Variants in NRBF2 observed in about 807,000 individuals in gnomAD.
NRBF2 encodes the protein nuclear receptor-binding factor 2.
NRBF2 carries 12 observed loss-of-function variants against 28.5 expected under a neutral mutation model. The ratio of observed to expected loss-of-function variants is 0.42; its 90% CI spans 0.27 to 0.68. The LOEUF (loss-of-function observed/expected upper bound fraction) is 0.68. NRBF2 is among the 30% of genes least tolerant of loss of function. NRBF2 has a pLI of 0.24. For synonymous variants in NRBF2, 102 were observed against 116.5 expected (o/e 0.88, Z 0.80); for missense variants, 274 against 333.5 (o/e 0.82, Z 1.39).
chr10:63,140,612 C>G (rs1281647561), intron 1 of NRBF2, among the ~76,000 whole-genome samples: 1 of 151,984 alleles, frequency 6.6e-6, no homozygotes, highest in African/African-American at 2.4e-5. Flanking sequence ...TGGGGTCTCA[C>G]TATGTTGCCT....
chr10:63,153,273 T>G (rs1253991592), intron 3 of NRBF2, among the ~76,000 whole-genome samples: 4 of 152,202 alleles, frequency 2.6e-5, no homozygotes, highest in African/African-American at 9.6e-5. Flanking sequence ...AGGAAAGATT[T>G]CTAATTTTGA....
At chr10:63,152,292 A>G in intron 3 of NRBF2, 102 bp downstream of exon 3, 4 of 807,026 alleles carry the variant, frequency 5.0e-6, no homozygotes, top group Non-Finnish European at 8.1e-6. Context: ...TCAAAATGCT[A>G]TAGTCAAAAA....
At chr10:63,136,919 A>G (rs1472031857) in intron 1 of NRBF2, among the ~76,000 whole-genome samples, 1 of 152,212 alleles carries the variant, frequency 6.6e-6, no homozygotes, top group Non-Finnish European at 1.5e-5. Context: ...GATTCTAATT[A>G]TCTGGTTATT....
Position 63,153,644 on chromosome 10 carries a change from A to G in NRBF2, c.290A>G (p.His97Arg). The G allele has an allele frequency of 7.4e-6, 12 of 1,611,970 alleles. No homozygotes were observed. The highest frequency in any genetic ancestry group is 9.3e-6 in the Non-Finnish European group (11 of 1,179,824). The change falls in exon 4 of 4, where the codon CAT (histidine) becomes CGT (arginine). Residue 97 changes from histidine (H) to arginine (R), a missense_variant. His to Arg is a conservative substitution (Grantham distance 29). Transcript: ENST00000277746. ...QQNTDKDAAA[H>R]LQTSHKPSAE... ...AACACAGACAAGGATGCAGCTGCCC[A>G]TCTTCAGACATCTCACAAACCCTCT...
intron 1 of NRBF2, among the ~76,000 whole-genome samples, chr10:63,144,945 T>C (rs1841536066): frequency 6.6e-6 from 1 of 152,184 alleles, no homozygotes; most frequent in Admixed American, 6.5e-5. Flanking sequence ...TAGAAAACTT[T>C]AGCTGATTAT....
intron 1 of NRBF2, among the ~76,000 whole-genome samples, chr10:63,144,417 C>CTTTT (rs58418737): frequency 6.5e-5 from 9 of 138,950 alleles, no homozygotes; most frequent in Non-Finnish European, 7.6e-5. Context: ...ATTATCTTCC[C>CTTTT]TTTTTTTTTT....
chr10:63,154,825 A>C lies in NRBF2; in HGVS notation c.*607A>C, dbSNP rs1194252281. The C allele has an allele frequency of 6.6e-6, 1 of 152,640 alleles. No homozygotes were observed. The highest frequency in any genetic ancestry group is 1.5e-5 in the Non-Finnish European group (1 of 68,052). The allele number at this position is 152,640 out of a possible 1,614,324, so 9.5% of individuals were successfully genotyped here. A position where few individuals can be genotyped will look rare whatever the true frequency, so the allele number is the denominator to read the frequency against. On this transcript the variant is annotated 3_prime_UTR_variant, in exon 4 of 4. Coordinates refer to ENST00000277746, the MANE Select transcript of NRBF2 (RefSeq NM_030759.5). ...TCCATTTTATGAAGAAAGGAACCAA[A>C]TTATTATGCTTTTTAAAACAAATTA...
At chr10:63,134,392 G>T (rs887799449) in intron 1 of NRBF2, among the ~76,000 whole-genome samples, 1 of 152,160 alleles carries the variant, frequency 6.6e-6, no homozygotes, top group African/African-American at 2.4e-5. Flanking sequence ...TTGAGTCACA[G>T]GTTTGCAATT....
intron 1 of NRBF2, among the ~76,000 whole-genome samples, chr10:63,134,126 C>T (rs1261455542): frequency 6.6e-6 from 1 of 152,012 alleles, no homozygotes; most frequent in South Asian, 2.1e-4. Flanking sequence ...CTGTATTTAG[C>T]TCAGATTCAT....
intron 2 of NRBF2, among the ~76,000 whole-genome samples, chr10:63,147,679 C>T (rs1841584868): frequency 6.8e-6 from 1 of 147,956 alleles, no homozygotes. Flanking sequence ...CATAGGTATA[C>T]ACGTGCCATG....
intron 1 of NRBF2, among the ~76,000 whole-genome samples, chr10:63,142,238 C>T (rs944144113): frequency 1.3e-5 from 2 of 151,820 alleles, no homozygotes; most frequent in Non-Finnish European, 2.9e-5. Flanking sequence ...GCAACTTTGG[C>T]TTTACCTGGG....
At chr10:63,138,541 G>A (rs931393186) in intron 1 of NRBF2, among the ~76,000 whole-genome samples, 1 of 150,424 alleles carries the variant, frequency 6.6e-6, no homozygotes, top group Non-Finnish European at 1.5e-5. Flanking sequence ...TCAGGAGATC[G>A]AGACCATTCT....
At chr10:63,151,784 A>G (rs1326397090) in intron 2 of NRBF2, among the ~76,000 whole-genome samples, 2 of 152,234 alleles carry the variant, frequency 1.3e-5, no homozygotes, top group Non-Finnish European at 2.9e-5. Context: ...AGACGGATAA[A>G]AAGTCATTGA....
rs747996610 is a variant in NRBF2, at chr10:63,153,523, C to T, written c.169C>T (p.Leu57=). The change falls in exon 4 of 4, where the codon CTG becomes TTG. Residue 57 remains leucine (L), a synonymous_variant. Transcript: ENST00000277746. ...TTCTATGTAATAGGCTCATCTTTCA[C>T]TGGAATTGCAAAGGGATAGCCATAT... ...LTQSEQAHLS[L]ELQRDSHMKQ... The T allele has an allele frequency of 3.1e-6, 5 of 1,603,124 alleles. No homozygotes were observed. Among genetic ancestry groups the T allele is most frequent in the Non-Finnish European group, 4.3e-6 (5 of 1,175,962 alleles).
Position 63,153,440 on chromosome 10 carries a change from A to G in NRBF2, c.157-71A>G, listed in dbSNP as rs1841679767. 6.1e-6 allele frequency: 7 copies of G among 1,146,718 alleles called. No homozygotes were observed. In the East Asian group the frequency reaches 7.2e-5, roughly 12 times the overall value. 71.0% of individuals were successfully genotyped at this position (1,146,718 alleles called of 1,614,324 possible). Reference sequence around the variant, plus strand: ...TTGGGTTATTCACAAAGGATTTTGAATAGTGTATGTTGGACATTACTAAGA... The same window carrying G: ...TTGGGTTATTCACAAAGGATTTTGAGTAGTGTATGTTGGACATTACTAAGA... On this transcript the variant is annotated intron_variant, in intron 3 of 3. Transcript: ENST00000277746.
intron 2 of NRBF2, among the ~76,000 whole-genome samples, chr10:63,147,040 T>A (rs188811575): frequency 1.3e-5 from 2 of 152,230 alleles, no homozygotes; most frequent in Admixed American, 6.5e-5. Context: ...AATAAAAAAA[T>A]TTAAAAATCT....
rs554602597 is a variant in NRBF2 at position 63,147,247 on chromosome 10, G to A, written c.115+954G>A. 2.0e-3 allele frequency among the ~76,000 whole-genome samples: 301 copies of A among 152,192 alleles called. 1 individual carries two copies. Among genetic ancestry groups the A allele is most frequent in the Non-Finnish European group, 3.6e-3 (244 of 68,010 alleles). The stretch of plus-strand genomic sequence containing the variant: ...CTTGTGAAATACAGACTGCAAGGTG[G>A]GCAGTAGATTGGATAAGTCTTCTTA... On this transcript the variant is annotated intron_variant, in intron 2 of 3. Transcript: ENST00000277746.
chr10:63,149,116 A>AT lies in NRBF2; in HGVS notation c.115+2829dup, dbSNP rs548461522. 5.5e-3 allele frequency among the ~76,000 whole-genome samples: 839 copies of AT among 152,220 alleles called. 4 individuals are homozygous for AT. Among genetic ancestry groups the AT allele is most frequent in the Non-Finnish European group, 7.3e-3 (495 of 68,004 alleles). On this transcript the variant is annotated intron_variant, in intron 2 of 3. Coordinates refer to ENST00000277746, the MANE Select transcript of NRBF2 (RefSeq NM_030759.5). Reference sequence around the variant, plus strand: ...TGTTAGAAGAGTAATAGATGTTACTATTTTTTGGTTTTTGGTTTTTGTTTG... The same window carrying AT: ...TGTTAGAAGAGTAATAGATGTTACTATTTTTTTGGTTTTTGGTTTTTGTTTG...
chr10:63,142,780 C>CTTTCTTT (rs1554821458), intron 1 of NRBF2, among the ~76,000 whole-genome samples: 18 of 74,938 alleles, frequency 2.4e-4, no homozygotes, highest in African/African-American at 7.0e-4. Flanking sequence ...TTCTTTCTTT[C>CTTTCTTT]TTTTTTTTTT....
Sources: allele counts gnomAD v4.1 joint callset (sites outside exome capture counted in the v4.1 genomes callset), GRCh38; gene constraint gnomAD v4.1.1; transcripts MANE v1.5; gene names NCBI Gene and HGNC (gene_info 2026-07-23, HGNC 2026-07-21).